Variants in CDH18 observed in about 807,000 individuals in gnomAD.
CDH18 encodes cadherin-18.
In CDH18, 31 loss-of-function variants were observed where a neutral mutation model predicts 67.9. The ratio of observed to expected loss-of-function variants is 0.46; its 90% CI spans 0.34 to 0.62. The LOEUF (loss-of-function observed/expected upper bound fraction) is 0.62, where lower values mean the gene tolerates loss of function less well. CDH18 is among the 20% of genes least tolerant of loss of function. The probability of loss-of-function intolerance (pLI) is 0.01; values close to 1 mark genes in which losing one functional copy is unlikely to be tolerated. For missense variants in CDH18, 890 were observed against 975.5 expected, an observed-to-expected ratio of 0.91 and a Z score of 1.17; for synonymous variants, 362 against 347.2, an observed-to-expected ratio of 1.04 and a Z score of -0.48.
At chr5:20,174,664 T>C (rs1168878918) in intron 2 of CDH18, among the ~76,000 whole-genome samples, 1 of 152,162 alleles carries the variant, frequency 6.6e-6, no homozygotes, top group Non-Finnish European at 1.5e-5. Context: ...CCTTGAAATA[T>C]GTCAACAAAA....
At chr5:19,974,214 C>A (rs1439333010) in intron 2 of CDH18, among the ~76,000 whole-genome samples, 1 of 151,958 alleles carries the variant, frequency 6.6e-6, no homozygotes, top group African/African-American at 2.4e-5. Context: ...ATGTCAGAAA[C>A]ATGTTAAATC....
chr5:19,586,713 GGTA>G (rs2150007181), intron 7 of CDH18, among the ~76,000 whole-genome samples: 1 of 152,098 alleles, frequency 6.6e-6, no homozygotes, highest in South Asian at 2.1e-4. Context: ...TATTCCTTTG[GGTA>G]TATACCCAGT....
At chr5:20,048,290 G>A (rs150945547) in intron 2 of CDH18, among the ~76,000 whole-genome samples, 15 of 151,494 alleles carry the variant, frequency 9.9e-5, no homozygotes, top group African/African-American at 3.1e-4. Flanking sequence ...TGCACTCAAC[G>A]TGCTTACACT....
At chr5:19,792,017 A>G (rs1481200748) in intron 3 of CDH18, among the ~76,000 whole-genome samples, 1 of 152,222 alleles carries the variant, frequency 6.6e-6, no homozygotes, top group Non-Finnish European at 1.5e-5. Context: ...ATAGGTAAGC[A>G]GTAACCTGTT....
At chr5:19,763,033 G>A (rs1402220694) in intron 3 of CDH18, among the ~76,000 whole-genome samples, 1 of 152,142 alleles carries the variant, frequency 6.6e-6, no homozygotes, top group Non-Finnish European at 1.5e-5. Context: ...TCACTCATAG[G>A]TGAGAATTGA....
At chr5:20,543,282 TAGA>T (rs1452320707) in intron 1 of CDH18, among the ~76,000 whole-genome samples, 4 of 152,042 alleles carry the variant, frequency 2.6e-5, no homozygotes, top group African/African-American at 7.2e-5. Flanking sequence ...ATCTTATTGT[TAGA>T]AGTTCAAATT....
At chr5:19,822,299 A>G (rs925661104) in intron 3 of CDH18, among the ~76,000 whole-genome samples, 3 of 152,198 alleles carry the variant, frequency 2.0e-5, no homozygotes, top group Non-Finnish European at 4.4e-5. Flanking sequence ...AATGGAAACA[A>G]GAGGAGGCGT....
intron 1 of CDH18, chr5:20,305,640 T>A: frequency 4.6e-5 from 17 of 365,596 alleles, no homozygotes; most frequent in East Asian, 7.0e-5. Flanking sequence ...AAACGCCATG[T>A]CCGGGGGGTG....
At chr5:20,246,915 T>C (rs887986225) in intron 2 of CDH18, among the ~76,000 whole-genome samples, 2 of 152,210 alleles carry the variant, frequency 1.3e-5, no homozygotes, top group Non-Finnish European at 2.9e-5. Flanking sequence ...CTTGCTTTCC[T>C]TGATTTTCAA....
At chr5:20,387,865 A>G (rs1744444539) in intron 1 of CDH18, among the ~76,000 whole-genome samples, 1 of 152,200 alleles carries the variant, frequency 6.6e-6, no homozygotes, top group Non-Finnish European at 1.5e-5. Context: ...ATGCTGGATT[A>G]TGTTTATTGA....
chr5:20,223,822 C>T (rs756253122), intron 2 of CDH18, among the ~76,000 whole-genome samples: 11 of 152,084 alleles, frequency 7.2e-5, no homozygotes, highest in Admixed American at 6.6e-4. Flanking sequence ...CCAGGTAAAA[C>T]GTGACTTTGC....
At chr5:20,172,230 A>ATATATACGTATATATATATATACG (rs1554098797) in intron 2 of CDH18, among the ~76,000 whole-genome samples, 1 of 96,688 alleles carries the variant, frequency 1.0e-5, no homozygotes, top group Non-Finnish European at 2.2e-5. Context: ...ATATGTATAT[A>ATATATACGTATATATATATATACG]TATATATATG....
At chr5:19,907,617 A>G (rs1790674033) in intron 2 of CDH18, among the ~76,000 whole-genome samples, 1 of 151,996 alleles carries the variant, frequency 6.6e-6, no homozygotes. Context: ...GCTCAATCTG[A>G]GGTATAAAAA....
At chr5:20,289,362 C>T (rs191119678) in intron 1 of CDH18, among the ~76,000 whole-genome samples, 2 of 152,102 alleles carry the variant, frequency 1.3e-5, no homozygotes, top group East Asian at 3.9e-4. Context: ...TAAAACCTGA[C>T]CTAGAAAAGT....
At chr5:19,721,255 C>A in intron 5 of CDH18, 92 bp downstream of exon 5, 2 of 1,177,806 alleles carry the variant, frequency 1.7e-6, no homozygotes, top group Admixed American at 2.3e-5. Flanking sequence ...ATCACATCAT[C>A]TAATGGAAAA....
intron 1 of CDH18, among the ~76,000 whole-genome samples, chr5:20,379,004 G>T (rs1051313428): frequency 3.3e-5 from 5 of 152,176 alleles, no homozygotes; most frequent in African/African-American, 1.2e-4. Flanking sequence ...TGGCAACAAT[G>T]GTTCAGCAAA....
At position 19,959,040 on chromosome 5, in the gene CDH18, T is replaced by C. The variant is rs188012482; in HGVS notation, c.-257+22020A>G. The stretch of plus-strand genomic sequence containing the variant: ...TGTTATTCTGAAACAATGGTAAACG[T>C]TTTTTAAAATATAGCAGTCATGAAA... On this transcript the variant is annotated intron_variant, in intron 2 of 12. Transcript: ENST00000382275. 2.0e-4 allele frequency among the ~76,000 whole-genome samples: 30 copies of C among 152,070 alleles called. 1 individual carries two copies. Among genetic ancestry groups the C allele is most frequent in the African/African-American group, 7.2e-4 (30 of 41,392 alleles).
At chr5:20,301,047 A>G (rs1284910459) in intron 1 of CDH18, among the ~76,000 whole-genome samples, 5 of 152,196 alleles carry the variant, frequency 3.3e-5, no homozygotes, top group Non-Finnish European at 7.3e-5. Flanking sequence ...AGATAGGCTG[A>G]TGTTATTCTA....
chr5:20,446,496 G>T (rs1200205859), intron 1 of CDH18, among the ~76,000 whole-genome samples: 1 of 152,148 alleles, frequency 6.6e-6, no homozygotes, highest in Non-Finnish European at 1.5e-5. Context: ...TGAGGAGTCA[G>T]TGTCAGCAGT....
Sources: gnomAD v4.1 joint callset for allele counts (sites outside exome capture counted in the v4.1 genomes callset) on GRCh38, gnomAD v4.1.1 for gene constraint, MANE v1.5 for transcripts, NCBI Gene and HGNC (gene_info 2026-07-23, HGNC 2026-07-21) for gene names.